The following DDAH1 variants were observed in gnomAD, a reference collection of about 807,000 sequenced individuals.
The protein encoded by DDAH1 is N(G),N(G)-dimethylarginine dimethylaminohydrolase 1.
A neutral mutation model predicts 28.8 loss-of-function variants in DDAH1; 19 were observed. The observed-to-expected ratio is 0.66, with a 90% CI of 0.46 to 0.97. DDAH1 has a LOEUF of 0.97. Ranked by LOEUF, DDAH1 falls within the 50% of genes least tolerant of loss-of-function variation. The probability of loss-of-function intolerance (pLI) is 0.00; values close to 1 mark genes in which losing one functional copy is unlikely to be tolerated. For missense variants in DDAH1, 326 were observed against 375.9 expected (o/e 0.87, Z 1.10); for synonymous variants, 153 against 154.4 (o/e 0.99, Z 0.07).
intron 1 of DDAH1, among the ~76,000 whole-genome samples, chr1:85,572,946 C>A (rs1000735263): frequency 7.9e-5 from 12 of 152,046 alleles, no homozygotes; most frequent in African/African-American, 2.9e-4. Context: ...ATACCATATA[C>A]CAAAGAATTT....
At chr1:85,511,883 G>A (rs1344451734) in intron 1 of DDAH1, among the ~76,000 whole-genome samples, 1 of 152,146 alleles carries the variant, frequency 6.6e-6, no homozygotes, top group Non-Finnish European at 1.5e-5. Flanking sequence ...AAAAAGTCCA[G>A]GACCAGATGG....
In DDAH1 at chr1:85,549,429, G is replaced by A. The variant is rs1447644481; in HGVS notation, c.-123+28555C>T. On this transcript the variant is annotated intron_variant, in intron 1 of 6. Transcript: ENST00000426972. ...GGCCTGGGATTTTACATTATTCACA[G>A]TTCCCAGGGAATGCTAATGCTGCTG... Among the ~76,000 whole-genome samples the A allele has an allele frequency of 2.0e-5, 3 of 152,166 alleles. No individual in the cohort carries two copies. The East Asian group carries it at 5.8e-4, about 29-fold the overall frequency.
At chr1:85,525,766 A>G (rs1445928396) in intron 1 of DDAH1, among the ~76,000 whole-genome samples, 1 of 152,222 alleles carries the variant, frequency 6.6e-6, no homozygotes, top group Admixed American at 6.5e-5. Context: ...GCAAGAGAGT[A>G]ATTTTAGAGA....
At chr1:85,541,470 T>A (rs1276666606) in intron 1 of DDAH1, among the ~76,000 whole-genome samples, 2 of 152,196 alleles carry the variant, frequency 1.3e-5, no homozygotes, top group African/African-American at 2.4e-5. Context: ...GTTATTTTTT[T>A]AAAAAAGTAC....
intron 1 of DDAH1, among the ~76,000 whole-genome samples, chr1:85,548,165 T>C (rs1289644074): frequency 6.6e-6 from 1 of 152,240 alleles, no homozygotes. Context: ...AAAAGCATTA[T>C]GAATTTTGTT....
At chr1:85,396,988 G>C (rs540432217) in intron 1 of DDAH1, among the ~76,000 whole-genome samples, 51 of 150,986 alleles carry the variant, frequency 3.4e-4, no homozygotes, top group Non-Finnish European at 2.5e-4. Flanking sequence ...AGTGAGCCAT[G>C]ATCACATCAC....
chr1:85,366,470 T>C (rs1019393392), intron 1 of DDAH1, among the ~76,000 whole-genome samples: 1 of 152,120 alleles, frequency 6.6e-6, no homozygotes, highest in Non-Finnish European at 1.5e-5. Context: ...CCAAGATATT[T>C]AGCATTTTGG....
At chr1:85,387,854 C>T (rs374019431) in intron 1 of DDAH1, among the ~76,000 whole-genome samples, 45 of 152,262 alleles carry the variant, frequency 3.0e-4, no homozygotes, top group African/African-American at 1.1e-3. Context: ...AAGCGTTGCA[C>T]CAGCATCTAC....
intron 1 of DDAH1, among the ~76,000 whole-genome samples, chr1:85,501,881 C>T (rs553251429): frequency 6.6e-6 from 1 of 152,174 alleles, no homozygotes; most frequent in African/African-American, 2.4e-5. Flanking sequence ...CTCATCATCT[C>T]CTGTTTGAAA....
Position 85,320,182 on chromosome 1 carries a change from C to T in DDAH1, c.*1270G>A, listed in dbSNP as rs1425769006. On this transcript the variant is annotated 3_prime_UTR_variant, in exon 6 of 6. Coordinates refer to ENST00000284031, the MANE Select transcript of DDAH1 (RefSeq NM_012137.4). ...TCTCTTCCTTCAGTGCCGCATTGTT[C>T]TTTGTAAGAGATCCGTGTCAGTTCA... The T allele has an allele frequency of 1.3e-5, 2 of 152,554 alleles. No individual in the cohort carries two copies. Among genetic ancestry groups the T allele is most frequent in the African/African-American group, 4.8e-5 (2 of 41,434 alleles). 9.5% of individuals were successfully genotyped at this position (152,554 alleles called of 1,614,324 possible). A position where few individuals can be genotyped will look rare whatever the true frequency, so the allele number is the denominator to read the frequency against.
At chr1:85,454,621 T>A (rs1245858217) in intron 1 of DDAH1, among the ~76,000 whole-genome samples, 3 of 152,158 alleles carry the variant, frequency 2.0e-5, no homozygotes, top group Non-Finnish European at 4.4e-5. Flanking sequence ...ACAAACATAG[T>A]GTGTAAAAAT....
In DDAH1 at chr1:85,438,689, G is replaced by C. The variant is rs75103041; in HGVS notation, c.303+26054C>G. Among the ~76,000 whole-genome samples, 208 of 152,286 alleles carry C rather than the reference G, an allele frequency of 1.4e-3. 2 individuals carry two copies. Among genetic ancestry groups the C allele is most frequent in the Non-Finnish European group, 2.0e-3 (136 of 68,026 alleles). On this transcript the variant is annotated intron_variant, in intron 1 of 5. Transcript: ENST00000284031. ...CACGAGCAAATTAAATGCTGCCATTGCTTTAACCCACTACGTTTTGGAATA... is the reference window on the plus strand; with the variant it reads ...CACGAGCAAATTAAATGCTGCCATTCCTTTAACCCACTACGTTTTGGAATA...
chr1:85,404,629 T>C (rs1557589474), intron 1 of DDAH1: 1 of 870,266 alleles, frequency 1.1e-6, no homozygotes, highest in Non-Finnish European at 1.5e-6. Flanking sequence ...AAGAGTTCAA[T>C]GATACTGTAG....
chr1:85,435,259 G>C (rs1381720154), intron 1 of DDAH1: 1 of 152,182 alleles, frequency 6.6e-6, no homozygotes, highest in Non-Finnish European at 1.5e-5. Flanking sequence ...AATCAACTGA[G>C]AAAACTCAGT....
chr1:85,404,410 A>C (rs919031281), intron 1 of DDAH1: 74 of 1,534,846 alleles, frequency 4.8e-5, no homozygotes, highest in Non-Finnish European at 6.3e-5. Flanking sequence ...ATTGCCATCC[A>C]GAACTGCTTT....
chr1:85,410,946 A>C (rs1652627606), intron 1 of DDAH1, among the ~76,000 whole-genome samples: 1 of 152,110 alleles, frequency 6.6e-6, no homozygotes, highest in African/African-American at 2.4e-5. Context: ...AGAGGGAGGG[A>C]GACAGTATAA....
chr1:85,428,416 G>T (rs1263427777), intron 1 of DDAH1, among the ~76,000 whole-genome samples: 1 of 152,066 alleles, frequency 6.6e-6, no homozygotes, highest in Non-Finnish European at 1.5e-5. Flanking sequence ...AAAACCATCA[G>T]AACTCATAAG....
intron 1 of DDAH1, among the ~76,000 whole-genome samples, chr1:85,414,540 T>C (rs1464283384): frequency 6.6e-6 from 1 of 152,200 alleles, no homozygotes; most frequent in Admixed American, 6.5e-5. Flanking sequence ...CAAAGGATGT[T>C]TCCAGAACAT....
intron 1 of DDAH1, chr1:85,404,281 T>C (rs1240026912): frequency 8.4e-6 from 10 of 1,187,850 alleles, no homozygotes; most frequent in East Asian, 5.2e-5. Context: ...CCAGTTCATA[T>C]TGACCCATTA....
Sources: gnomAD v4.1 joint callset for allele counts (sites outside exome capture counted in the v4.1 genomes callset) on GRCh38, gnomAD v4.1.1 for gene constraint, MANE v1.5 for transcripts, NCBI Gene and HGNC (gene_info 2026-07-23, HGNC 2026-07-21) for gene names.